Variants in UGT1A8 observed in about 807,000 individuals in gnomAD.
UGT1A8 encodes the protein UDP glucuronosyltransferase family 1 member A8, also known as UDP-glucuronosyltransferase 1A8.
Under a neutral mutation model 45.3 loss-of-function variants are expected in UGT1A8, and 39 were observed. The ratio of observed to expected loss-of-function variants is 0.86; its 90% CI spans 0.67 to 1.12. The LOEUF (loss-of-function observed/expected upper bound fraction) is 1.12, where lower values mean the gene tolerates loss of function less well. UGT1A8 is among the 50% of genes most tolerant of loss of function. The pLI, the probability that UGT1A8 is intolerant of heterozygous loss-of-function variation, is 0.00. For missense variants in UGT1A8, 719 were observed against 664.9 expected (o/e 1.08, Z -0.90); for synonymous variants, 275 against 249.2 (o/e 1.10, Z -0.97).
At chr2:233,735,012 T>C (rs1234170278) in intron 1 of UGT1A8, among the ~76,000 whole-genome samples, 1 of 152,238 alleles carries the variant, frequency 6.6e-6, no homozygotes, top group Non-Finnish European at 1.5e-5. Flanking sequence ...TGGAGAGTTC[T>C]GTAGATGTCT....
intron 1 of UGT1A8, among the ~76,000 whole-genome samples, chr2:233,665,502 C>T (rs1024668187): frequency 6.6e-6 from 1 of 152,120 alleles, no homozygotes. Flanking sequence ...ACTTGAAATA[C>T]AGGAGGCAGA....
At chr2:233,693,300 T>G in intron 1 of UGT1A8, 1 of 1,614,182 alleles carries the variant, frequency 6.2e-7, no homozygotes, top group East Asian at 2.2e-5. Flanking sequence ...AACAATCACT[T>G]TGCTGAGCGA....
chr2:233,727,581 A>G (rs748727287), intron 1 of UGT1A8, among the ~76,000 whole-genome samples: 1 of 152,154 alleles, frequency 6.6e-6, no homozygotes, highest in African/African-American at 2.4e-5. Context: ...TAGGAAGCAT[A>G]TAGTTTTAAG....
chr2:233,636,912 C>T, intron 1 of UGT1A8: 1 of 1,613,996 alleles, frequency 6.2e-7, no homozygotes, highest in Non-Finnish European at 8.5e-7. Context: ...TGTTTAATGA[C>T]CGAAAATTAG....
intron 1 of UGT1A8, among the ~76,000 whole-genome samples, chr2:233,690,231 T>A (rs1054850541): frequency 6.6e-6 from 1 of 152,232 alleles, no homozygotes; most frequent in Non-Finnish European, 1.5e-5. Context: ...TATTCTAGAT[T>A]CAGCAAATTT....
intron 1 of UGT1A8, among the ~76,000 whole-genome samples, chr2:233,680,286 C>A (rs375139076): frequency 6.6e-6 from 1 of 152,112 alleles, no homozygotes; most frequent in East Asian, 1.9e-4. Context: ...CATAAGAGAT[C>A]ATTTTTTACT....
intron 4 of UGT1A8, among the ~76,000 whole-genome samples, 182 bp downstream of exon 4, chr2:233,768,621 C>T (rs186985441): frequency 1.7e-5 from 2 of 116,022 alleles, no homozygotes; most frequent in East Asian, 2.7e-4. Flanking sequence ...GAGTCTTGCT[C>T]TGTCACCTAG....
intron 1 of UGT1A8, among the ~76,000 whole-genome samples, chr2:233,624,376 A>G (rs1187016895): frequency 6.6e-6 from 1 of 152,076 alleles, no homozygotes; most frequent in African/African-American, 2.4e-5. Context: ...TTTGCCTGAC[A>G]TTTTTATCAT....
At chr2:233,742,758 T>A (rs1302155264) in intron 1 of UGT1A8, 3 of 153,094 alleles carry the variant, frequency 2.0e-5, no homozygotes, top group African/African-American at 7.3e-5. Context: ...AATATTAAGA[T>A]AATAAATGCA....
At chr2:233,670,164 G>T (rs2074153513) in intron 1 of UGT1A8, among the ~76,000 whole-genome samples, 6 of 152,216 alleles carry the variant, frequency 3.9e-5, no homozygotes, top group Admixed American at 3.9e-4. Context: ...AAATCTTAAG[G>T]AAGAGAAAAT....
At position 233,725,077 on chromosome 2, in the gene UGT1A8, C is replaced by G. The variant is rs1449718817; in HGVS notation, c.856-41957C>G. On this transcript the variant is annotated intron_variant, in intron 1 of 4. Coordinates refer to ENST00000373450, the MANE Select transcript of UGT1A8 (RefSeq NM_019076.5). ...CGGCGCGCGCCTGCAATCGCAGGCACTCGGCAGGCTGAGGCAGGAGAATCA... is the reference window on the plus strand; with the variant it reads ...CGGCGCGCGCCTGCAATCGCAGGCAGTCGGCAGGCTGAGGCAGGAGAATCA... Among the ~76,000 whole-genome samples, 16 of 140,498 alleles carry G rather than the reference C, an allele frequency of 1.1e-4. 1 individual carries two copies. The highest frequency in any genetic ancestry group is 4.2e-4 in the African/African-American group (16 of 38,284). The allele number at this position is 140,498 out of a possible 152,430, so 92.2% of individuals were successfully genotyped here.
intron 1 of UGT1A8, among the ~76,000 whole-genome samples, chr2:233,677,552 T>C (rs961151831): frequency 9.2e-5 from 14 of 152,166 alleles, no homozygotes; most frequent in Non-Finnish European, 1.8e-4. Flanking sequence ...GAAAATGTTA[T>C]TAAAAAACGT....
chr2:233,682,602 A>G (rs1352958533), intron 1 of UGT1A8: 3 of 1,613,792 alleles, frequency 1.9e-6, no homozygotes, highest in African/African-American at 1.3e-5. Flanking sequence ...TTTTGCCCCT[A>G]TTTTTTCAAA....
chr2:233,767,071 G>T lies in UGT1A8; in HGVS notation c.893G>T (p.Gly298Val). 6.2e-7 allele frequency: 1 copy of T among 1,614,098 alleles called. No homozygotes were observed. ...TACATTAATGCTTCTGGAGAACATG[G>T]AATTGTGGTTTTCTCTTTGGGATCA... ...EAYINASGEH[G>V]IVVFSLGSMV... The change falls in exon 2 of 5, where the codon GGA becomes GTA. Residue 298 changes from glycine (G) to valine (V), a missense_variant. Gly to Val is a moderately radical substitution (Grantham distance 109). Coordinates refer to ENST00000373450, the MANE Select transcript of UGT1A8 (RefSeq NM_019076.5).
At chr2:233,771,035 G>A (rs1472903021) in intron 4 of UGT1A8, 1 of 152,036 alleles carries the variant, frequency 6.6e-6, no homozygotes, top group South Asian at 2.1e-4. Context: ...TGGGGGGGAA[G>A]GTGCCACACA....
At chr2:233,750,988 G>A (rs946459693) in intron 1 of UGT1A8, among the ~76,000 whole-genome samples, 12 of 151,852 alleles carry the variant, frequency 7.9e-5, no homozygotes, top group Non-Finnish European at 1.3e-4. Context: ...GTGAGAAGGC[G>A]GCCACCATCC....
chr2:233,720,322 A>C (rs1355455978), intron 1 of UGT1A8, among the ~76,000 whole-genome samples: 3 of 152,124 alleles, frequency 2.0e-5, no homozygotes, highest in African/African-American at 7.2e-5. Context: ...ATGTGGGGAC[A>C]TCGTAGAGTT....
At chr2:233,743,969 G>GC in intron 1 of UGT1A8, 3 of 1,324,978 alleles carry the variant, frequency 2.3e-6, no homozygotes, top group South Asian at 2.4e-5. Flanking sequence ...CGGCAAGGCT[G>GC]CCAGCACCCA....
chr2:233,636,922 G>C, intron 1 of UGT1A8: 1 of 1,614,152 alleles, frequency 6.2e-7, no homozygotes, highest in Admixed American at 1.7e-5. Flanking sequence ...CCGAAAATTA[G>C]TAGAATACTT....
Sources: allele counts gnomAD v4.1 joint callset (sites outside exome capture counted in the v4.1 genomes callset), GRCh38; gene constraint gnomAD v4.1.1; transcripts MANE v1.5; gene names NCBI Gene and HGNC (gene_info 2026-07-23, HGNC 2026-07-21).